The following RYR3 variants were observed in gnomAD, a reference collection of about 807,000 sequenced individuals.
RYR3 encodes brain ryanodine receptor-calcium release channel.
RYR3 carries 207 observed loss-of-function variants against 584.3 expected under a neutral mutation model. The ratio of observed to expected loss-of-function variants is 0.35; its 90% confidence interval spans 0.32 to 0.40. The LOEUF is 0.40. Among genes scored for constraint, RYR3 ranks in the 10% least tolerant of loss-of-function variants. RYR3 has a pLI of 1.00. For synonymous variants in RYR3, 2,416 were observed against 2,248.5 expected (o/e 1.07, Z -2.11); for missense variants, 5,616 against 6,089.2 (o/e 0.92, Z 2.59).
At chr15:33,391,443 C>T (rs1164368266) in intron 1 of RYR3, among the ~76,000 whole-genome samples, 2 of 151,804 alleles carry the variant, frequency 1.3e-5, no homozygotes, top group Non-Finnish European at 1.5e-5. Context: ...CTGGCTAACA[C>T]GGTGAAACCC....
chr15:33,831,052 C>T lies in RYR3; in HGVS notation c.11424C>T (p.Val3808=). Residue 3808 remains valine, a synonymous_variant, in exon 86 of 104, where the codon GTC becomes GTT. Transcript: ENST00000634891. Reference sequence around the variant, plus strand: ...ACAATTTTTCCAAAGCTCTGGCAGTCACCAAGCAGATTTTCAATTCTCTTA... The same window carrying T: ...ACAATTTTTCCAAAGCTCTGGCAGTTACCAAGCAGATTTTCAATTCTCTTA... ...GQHNFSKALA[V]TKQIFNSLTE... 8 of 1,613,698 alleles carry T rather than the reference C, an allele frequency of 5.0e-6. No homozygotes were observed. The South Asian group carries it at 6.6e-5, about 13-fold the overall frequency.
chr15:33,428,916 G>A (rs371111170), intron 1 of RYR3, among the ~76,000 whole-genome samples: 4 of 152,232 alleles, frequency 2.6e-5, no homozygotes, highest in Admixed American at 6.5e-5. Context: ...CTTGAACATC[G>A]TATGACTTCT....
intron 1 of RYR3, among the ~76,000 whole-genome samples, chr15:33,472,850 T>C (rs1353146039): frequency 2.6e-5 from 4 of 152,106 alleles, no homozygotes; most frequent in Non-Finnish European, 5.9e-5. Context: ...TAATCTTCCT[T>C]TTCTGTGAGT....
chr15:33,630,924 C>G (rs1165715941), intron 22 of RYR3, among the ~76,000 whole-genome samples: 1 of 152,182 alleles, frequency 6.6e-6, no homozygotes, highest in Admixed American at 6.5e-5. Context: ...ATCAGACCAG[C>G]TACCTATTTT....
rs1296376455 is a variant in RYR3, at chr15:33,581,518, C to T, written c.1448C>T (p.Ala483Val). ...CACTCTCCTTCTCAGGGAATGTTGG[C>T]CCTTGTCTTAAATTGCATTGACCGC... is the stretch of plus-strand genomic sequence containing the variant. Reference protein sequence around the residue: ...QNLFKEEGMLALVLNCIDRLN... With the variant: ...QNLFKEEGMLVLVLNCIDRLN... Residue 483 changes from alanine to valine, a missense_variant, in exon 14 of 104, where the codon GCC (alanine) becomes GTC (valine). Around this residue, in one of 9 missense-constraint regions of RYR3, gnomAD observed 1,284 missense variants for 1,344.6 expected, o/e 0.95. Transcript: ENST00000634891. The T allele has an allele frequency of 6.2e-7, 1 of 1,613,574 alleles. No individual in the cohort carries two copies. The highest frequency in any genetic ancestry group is 1.1e-5 in the South Asian group (1 of 91,068).
intron 47 of RYR3, among the ~76,000 whole-genome samples, chr15:33,729,293 G>A (rs1956471953): frequency 6.6e-6 from 1 of 152,066 alleles, no homozygotes; most frequent in African/African-American, 2.4e-5. Context: ...GCTATCCTGT[G>A]CATTGTAGAA....
At chr15:33,555,141 G>A (rs1414490035) in intron 10 of RYR3, among the ~76,000 whole-genome samples, 1 of 152,192 alleles carries the variant, frequency 6.6e-6, no homozygotes, top group Non-Finnish European at 1.5e-5. Context: ...TATGTGCTAA[G>A]CATGGTGTTC....
rs577391807 is a variant in RYR3 at position 33,559,682 on chromosome 15, A to G, written c.973-3155A>G. Among the ~76,000 whole-genome samples, 47 of 152,304 alleles carry G rather than the reference A, an allele frequency of 3.1e-4. 1 individual carries two copies. The South Asian group carries it at 7.2e-3, about 23-fold the overall frequency. On this transcript the variant is annotated intron_variant, in intron 10 of 103. Transcript: ENST00000634891. ...GCCTCCTGGAATGTATGAGCCAGCT[A>G]GAGGAGGTCTGGCTGTGAATTGATT...
chr15:33,518,185 C>T (rs2053679161), intron 3 of RYR3, among the ~76,000 whole-genome samples: 1 of 152,208 alleles, frequency 6.6e-6, no homozygotes, highest in South Asian at 2.1e-4. Context: ...TCTTAGATAA[C>T]ATGCTTCCTT....
chr15:33,767,370 T>C (rs1456879281), intron 60 of RYR3, among the ~76,000 whole-genome samples: 1 of 152,158 alleles, frequency 6.6e-6, no homozygotes, highest in East Asian at 1.9e-4. Flanking sequence ...AATTTCACCC[T>C]AGATGGCTGC....
At chr15:33,609,499 T>C (rs2152563835) in intron 18 of RYR3, among the ~76,000 whole-genome samples, 1 of 152,224 alleles carries the variant, frequency 6.6e-6, no homozygotes, top group Non-Finnish European at 1.5e-5. Context: ...CTACTGAAAA[T>C]ACAAAAATTA....
At chr15:33,538,392 C>T (rs761389457) in intron 5 of RYR3, among the ~76,000 whole-genome samples, 2 of 152,134 alleles carry the variant, frequency 1.3e-5, no homozygotes, top group Non-Finnish European at 2.9e-5. Context: ...GAGTGATCCT[C>T]AAATTTGGGT....
intron 1 of RYR3, among the ~76,000 whole-genome samples, chr15:33,397,501 G>A (rs945966127): frequency 6.6e-6 from 1 of 152,194 alleles, no homozygotes; most frequent in East Asian, 1.9e-4. Flanking sequence ...TGCATGGTCA[G>A]TGGTCTCTTT....
chr15:33,671,916 C>T (rs149580541), intron 38 of RYR3, among the ~76,000 whole-genome samples: 84 of 147,930 alleles, frequency 5.7e-4, no homozygotes, highest in African/African-American at 2.0e-3. Flanking sequence ...ACGGTTCAAG[C>T]GATTCTCCTG....
intron 99 of RYR3, 33 bp from the exon 100 acceptor site, chr15:33,859,542 T>A: frequency 6.2e-7 from 1 of 1,612,506 alleles, no homozygotes; most frequent in Admixed American, 1.7e-5. Context: ...AACTGTGACT[T>A]TTGCCTAAAT....
At chr15:33,466,660 A>C (rs1349859950) in intron 1 of RYR3, among the ~76,000 whole-genome samples, 3 of 152,216 alleles carry the variant, frequency 2.0e-5, no homozygotes, top group African/African-American at 7.2e-5. Flanking sequence ...TGAGATTAAT[A>C]ATATTTCTAT....
At chr15:33,387,653 A>T (rs1227527198) in intron 1 of RYR3, among the ~76,000 whole-genome samples, 1 of 95,670 alleles carries the variant, frequency 1.0e-5, no homozygotes, top group Non-Finnish European at 2.3e-5. Context: ...GGCAGGAAAA[A>T]TGACCTCACA....
Position 33,662,282 on chromosome 15 carries a change from G to T in RYR3, c.4752G>T (p.Val1584=), listed in dbSNP as rs2063212494. Residue 1584 remains valine (V), a synonymous_variant, in exon 35 of 104, where the codon GTG becomes GTT. Transcript: ENST00000634891. ...SRVAYALCSH[V]DLSQLFYAID... is the part of the protein sequence containing the mutation. ...TGGCCTACGCCCTGTGCAGCCACGT[G>T]GACCTCTCCCAGCTCTTCTATGCCA... is the stretch of plus-strand genomic sequence containing the variant. 1 of 1,611,102 alleles carries T rather than the reference G, an allele frequency of 6.2e-7. No homozygotes were observed. The highest frequency in any genetic ancestry group is 8.5e-7 in the Non-Finnish European group (1 of 1,178,860).
Position 33,837,847 on chromosome 15 carries a change from A to G in RYR3, c.11867A>G (p.Gln3956Arg). The stretch of plus-strand genomic sequence containing the variant: ...ATGGAAGGGCAAAAACAGTACACGC[A>G]GTCAGAGATTGACTTTCTCCTGTCG... ...KAMEGQKQYTQSEIDFLLSCA... is the reference protein window; with the variant it reads ...KAMEGQKQYTRSEIDFLLSCA... The change falls in exon 89 of 104, where the codon CAG (glutamine) becomes CGG (arginine). Residue 3956 changes from glutamine to arginine, a missense_variant. Coordinates refer to ENST00000634891, the MANE Select transcript of RYR3 (RefSeq NM_001036.6). 2 of 1,614,070 alleles carry G rather than the reference A, an allele frequency of 1.2e-6. No individual in the cohort carries two copies. The highest frequency in any genetic ancestry group is 1.1e-5 in the South Asian group (1 of 91,088).
Sources: gnomAD v4.1 joint callset for allele counts (sites outside exome capture counted in the v4.1 genomes callset) on GRCh38, gnomAD v4.1.1 for gene constraint, gnomAD v4.1.1 regional missense constraint, MANE v1.5 for transcripts, NCBI Gene and HGNC (gene_info 2026-07-23, HGNC 2026-07-21) for gene names.